The following PTPRN2 variants were observed in gnomAD, a reference collection of about 807,000 sequenced individuals.
PTPRN2 encodes the protein protein tyrosine phosphatase receptor type N2, also known as receptor-type tyrosine-protein phosphatase N2.
In PTPRN2, 74 loss-of-function variants were observed where a neutral mutation model predicts 118.8. The ratio of observed to expected loss-of-function variants is 0.62; its 90% confidence interval spans 0.52 to 0.76. The LOEUF (loss-of-function observed/expected upper bound fraction) is 0.76. Ranked by LOEUF, PTPRN2 falls within the 30% of genes least tolerant of loss-of-function variation. The pLI is 0.00. For synonymous variants in PTPRN2, 641 were observed against 608.0 expected, an observed-to-expected ratio of 1.05 and a Z score of -0.80; for missense variants, 1,481 against 1,394.4, an observed-to-expected ratio of 1.06 and a Z score of -0.99.
At chr7:158,327,562 TCA>T (rs1263834709) in intron 2 of PTPRN2, among the ~76,000 whole-genome samples, 1 of 152,224 alleles carries the variant, frequency 6.6e-6, no homozygotes, top group African/African-American at 2.4e-5. Context: ...TCTCACATGC[TCA>T]CACATGTACA....
intron 11 of PTPRN2, among the ~76,000 whole-genome samples, chr7:157,926,571 G>A (rs1037418486): frequency 3.9e-5 from 6 of 152,198 alleles, no homozygotes; most frequent in Non-Finnish European, 7.3e-5. Context: ...GAGGCAGGGA[G>A]GGCCTTGCCC....
intron 17 of PTPRN2, among the ~76,000 whole-genome samples, chr7:157,581,122 GACACACCAGCACCTGC>G (rs1261730351): frequency 4.3e-5 from 3 of 70,002 alleles, no homozygotes; most frequent in South Asian, 4.5e-4. Flanking sequence ...CGAGCACCTG[GACACACCAGCACCTGC>G]ACACACCAGC....
chr7:157,623,785 G>T (rs940208812), intron 14 of PTPRN2, among the ~76,000 whole-genome samples: 1 of 152,124 alleles, frequency 6.6e-6, no homozygotes, highest in African/African-American at 2.4e-5. Context: ...AACTGAGATA[G>T]AGCTGACATC....
At chr7:158,439,091 C>G (rs1179080697) in intron 2 of PTPRN2, among the ~76,000 whole-genome samples, 1 of 152,240 alleles carries the variant, frequency 6.6e-6, no homozygotes, top group African/African-American at 2.4e-5. Context: ...TGTCTCTTAT[C>G]TATTTCTAAC....
rs1055421495 is a variant in PTPRN2 at position 157,804,897 on chromosome 7, T to G, written c.1788+93776A>C. Among the ~76,000 whole-genome samples, 18 of 152,220 alleles carry G rather than the reference T, an allele frequency of 1.2e-4. No individual in the cohort carries two copies. In the East Asian group the frequency reaches 3.5e-3, roughly 29 times the overall value. On this transcript the variant is annotated intron_variant, in intron 12 of 22. Coordinates refer to ENST00000389418, the MANE Select transcript of PTPRN2 (RefSeq NM_002847.5). ...GAAGGCTGGTTTTATCCACTGTGTG[T>G]GGAGCCTGGCAACAAGCATCCCACA...
At chr7:157,595,687 G>GGAGGT (rs1279764973) in intron 16 of PTPRN2, among the ~76,000 whole-genome samples, 3 of 152,130 alleles carry the variant, frequency 2.0e-5, no homozygotes, top group Non-Finnish European at 4.4e-5. Flanking sequence ...TAGGGAGCCT[G>GGAGGT]GAGGTTAGGA....
At chr7:157,737,621 C>G (rs1026452801) in intron 12 of PTPRN2, among the ~76,000 whole-genome samples, 11 of 152,254 alleles carry the variant, frequency 7.2e-5, no homozygotes, top group African/African-American at 2.7e-4. Context: ...TACTCACGGT[C>G]CTGAGTTGAG....
chr7:157,589,794 T>C (rs537018358), intron 17 of PTPRN2, among the ~76,000 whole-genome samples: 1 of 152,358 alleles, frequency 6.6e-6, no homozygotes, highest in Non-Finnish European at 1.5e-5. Context: ...AAAATTAGGA[T>C]TTTAAAAAGA....
chr7:157,545,269 C>T (rs1395596076), intron 22 of PTPRN2, among the ~76,000 whole-genome samples: 1 of 131,498 alleles, frequency 7.6e-6, no homozygotes, highest in Non-Finnish European at 1.6e-5. Flanking sequence ...CAGGTGTGTG[C>T]GTGTGAGCAG....
intron 9 of PTPRN2, among the ~76,000 whole-genome samples, chr7:158,131,886 A>G (rs934124709): frequency 2.6e-5 from 4 of 151,608 alleles, no homozygotes; most frequent in Non-Finnish European, 4.4e-5. Flanking sequence ...TCTACCTGAC[A>G]TACACACACA....
At chr7:158,312,987 TGTGTGCAGGTGA>T (rs1253144761) in intron 3 of PTPRN2, among the ~76,000 whole-genome samples, 8 of 148,972 alleles carry the variant, frequency 5.4e-5, no homozygotes, top group Admixed American at 4.0e-4. Context: ...TGAGCATGTG[TGTGTGCAGGTGA>T]GTGTGCAGGT....
At chr7:158,501,047 G>A (rs928804253) in intron 1 of PTPRN2, among the ~76,000 whole-genome samples, 2 of 152,266 alleles carry the variant, frequency 1.3e-5, no homozygotes, top group Admixed American at 6.5e-5. Context: ...TGTGAGGCTC[G>A]GAGCACTCAG....
At chr7:157,871,552 C>A (rs540907197) in intron 12 of PTPRN2, among the ~76,000 whole-genome samples, 1 of 152,058 alleles carries the variant, frequency 6.6e-6, no homozygotes, top group Admixed American at 6.5e-5. Context: ...TTGGCCGACA[C>A]CACCCCAGGG....
At chr7:157,921,095 T>C (rs1798668337) in intron 11 of PTPRN2, among the ~76,000 whole-genome samples, 1 of 152,186 alleles carries the variant, frequency 6.6e-6, no homozygotes, top group African/African-American at 2.4e-5. Flanking sequence ...CTTCAGTAGA[T>C]GAATGGATCA....
chr7:158,206,155 C>G (rs183942909), intron 3 of PTPRN2, among the ~76,000 whole-genome samples: 3 of 152,270 alleles, frequency 2.0e-5, no homozygotes, highest in Admixed American at 1.3e-4. Context: ...CAGCTCACAG[C>G]TCCAAAAGAG....
intron 2 of PTPRN2, among the ~76,000 whole-genome samples, chr7:158,444,413 C>T (rs1375575645): frequency 6.6e-6 from 1 of 152,254 alleles, no homozygotes; most frequent in Non-Finnish European, 1.5e-5. Flanking sequence ...CCCTGAAAAC[C>T]TGATTTGACT....
At chr7:157,589,106 C>T (rs1307867938) in intron 17 of PTPRN2, among the ~76,000 whole-genome samples, 1 of 152,220 alleles carries the variant, frequency 6.6e-6, no homozygotes. Context: ...CATCAAGCCC[C>T]TCTGCACTGT....
chr7:157,897,075 A>T lies in PTPRN2; in HGVS notation c.1788+1598T>A, dbSNP rs1202220249. Among the ~76,000 whole-genome samples the T allele has an allele frequency of 3.9e-5, 6 of 152,168 alleles. No individual in the cohort carries two copies. The East Asian group carries it at 9.6e-4, about 24-fold the overall frequency. ...GGTCCCAGCCTCGACGCGTTCTCTG[A>T]CCAGGTTACAGAGATGGCTCTAACC... On this transcript the variant is annotated intron_variant, in intron 12 of 22. Transcript: ENST00000389418.
chr7:157,643,579 C>T (rs1422045204), intron 14 of PTPRN2, among the ~76,000 whole-genome samples: 2 of 152,196 alleles, frequency 1.3e-5, no homozygotes, highest in East Asian at 3.9e-4. Flanking sequence ...ACACCCACGG[C>T]CCGGGCATCC....
Sources: allele counts gnomAD v4.1 joint callset (sites outside exome capture counted in the v4.1 genomes callset), GRCh38; gene constraint gnomAD v4.1.1; transcripts MANE v1.5; gene names NCBI Gene and HGNC (gene_info 2026-07-23, HGNC 2026-07-21).